Variants in LRFN2 observed in about 807,000 individuals in gnomAD.
LRFN2 encodes leucine rich repeat and fibronectin type III domain containing 2.
LRFN2 carries 18 observed loss-of-function variants against 37.3 expected under a neutral mutation model. That is an observed-to-expected ratio of 0.48 (90% CI 0.33 to 0.72). The LOEUF is 0.72. Ranked by LOEUF, LRFN2 falls within the 30% of genes least tolerant of loss-of-function variation. The pLI, the probability that LRFN2 is intolerant of heterozygous loss-of-function variation, is 0.02. For missense variants in LRFN2, 1,006 were observed against 1,060.7 expected (o/e 0.95, Z 0.72); for synonymous variants, 556 against 466.6 (o/e 1.19, Z -2.47).
chr6:40,582,027 G>T (rs1767414299), intron 1 of LRFN2, among the ~76,000 whole-genome samples: 1 of 152,188 alleles, frequency 6.6e-6, no homozygotes, highest in African/African-American at 2.4e-5. Context: ...TGGAGAAAAG[G>T]AATAGGAAGT....
chr6:40,537,274 C>T (rs538991157), intron 1 of LRFN2, among the ~76,000 whole-genome samples: 57 of 152,328 alleles, frequency 3.7e-4, no homozygotes, highest in African/African-American at 1.3e-3. Flanking sequence ...GGGAATAGTT[C>T]CTGGCACATC....
intron 1 of LRFN2, chr6:40,502,523 GC>G (rs1765410872): frequency 6.6e-6 from 1 of 152,234 alleles, no homozygotes; most frequent in Admixed American, 6.5e-5. Context: ...CATGCTGGAA[GC>G]TGGCAGCAGG....
intron 2 of LRFN2, among the ~76,000 whole-genome samples, chr6:40,417,457 T>G (rs1020032053): frequency 1.3e-5 from 2 of 152,198 alleles, no homozygotes; most frequent in Non-Finnish European, 2.9e-5. Context: ...AATGCACTTA[T>G]GAGCTACTAG....
At chr6:40,522,940 T>C (rs1156790112) in intron 1 of LRFN2, among the ~76,000 whole-genome samples, 1 of 152,154 alleles carries the variant, frequency 6.6e-6, no homozygotes, top group East Asian at 1.9e-4. Context: ...AATGCACCTG[T>C]CTGGAAGATG....
At chr6:40,582,049 A>G (rs970691716) in intron 1 of LRFN2, among the ~76,000 whole-genome samples, 32 of 152,282 alleles carry the variant, frequency 2.1e-4, no homozygotes, top group Middle Eastern at 3.4e-3. Flanking sequence ...AGTCCCTGGG[A>G]AGAAGAAATG....
chr6:40,412,270 A>G (rs369599074), intron 2 of LRFN2, among the ~76,000 whole-genome samples: 1 of 152,318 alleles, frequency 6.6e-6, no homozygotes, highest in East Asian at 1.9e-4. Context: ...CTCAGGAAGA[A>G]AAATTTTCTG....
chr6:40,501,704 G>C (rs140293967), intron 1 of LRFN2: 1 of 152,082 alleles, frequency 6.6e-6, no homozygotes, highest in African/African-American at 2.4e-5. Flanking sequence ...CCAGGGTATG[G>C]ATTCAGCCAC....
intron 1 of LRFN2, among the ~76,000 whole-genome samples, chr6:40,438,020 G>T (rs1364317152): frequency 2.6e-5 from 4 of 152,202 alleles, no homozygotes; most frequent in Admixed American, 2.6e-4. Flanking sequence ...GAGGTGTGTG[G>T]GGATCAGAAG....
Position 40,499,960 on chromosome 6 carries a change from G to A in LRFN2, c.-18-66829C>T, listed in dbSNP as rs200039342. 4.9e-4 allele frequency among the ~76,000 whole-genome samples: 75 copies of A among 152,346 alleles called. 1 individual carries two copies. In the South Asian group the frequency reaches 0.015, roughly 30 times the overall value. ...TGAGAATGAAAGAAATCTGCAGTTCGTATGTATTTCAATAGAGGAAGCTCT... is the reference window on the plus strand; with the variant it reads ...TGAGAATGAAAGAAATCTGCAGTTCATATGTATTTCAATAGAGGAAGCTCT... On this transcript the variant is annotated intron_variant, in intron 1 of 2. Transcript: ENST00000338305.
At chr6:40,484,458 C>T (rs1035440362) in intron 1 of LRFN2, among the ~76,000 whole-genome samples, 1 of 152,208 alleles carries the variant, frequency 6.6e-6, no homozygotes, top group Non-Finnish European at 1.5e-5. Flanking sequence ...GCCTCTCTCA[C>T]CATAATGTGC....
At chr6:40,582,714 G>GA (rs35249144) in intron 1 of LRFN2, among the ~76,000 whole-genome samples, 8,456 of 135,446 alleles carry the variant, frequency 0.062, 298 homozygotes, top group Admixed American at 0.075. Context: ...AAATCACTCA[G>GA]AAAAAAAAAA....
At chr6:40,412,060 G>A (rs1276671770) in intron 2 of LRFN2, among the ~76,000 whole-genome samples, 2 of 152,090 alleles carry the variant, frequency 1.3e-5, no homozygotes, top group Admixed American at 1.3e-4. Context: ...CAGGCTCAAT[G>A]GTCGGATATC....
chr6:40,514,918 G>T (rs1360137807), intron 1 of LRFN2, among the ~76,000 whole-genome samples: 1 of 152,094 alleles, frequency 6.6e-6, no homozygotes, highest in Non-Finnish European at 1.5e-5. Flanking sequence ...TGCTGCCCCT[G>T]GCTGGAGGCC....
At chr6:40,472,049 G>T (rs1450169161) in intron 1 of LRFN2, among the ~76,000 whole-genome samples, 1 of 152,174 alleles carries the variant, frequency 6.6e-6, no homozygotes, top group South Asian at 2.1e-4. Flanking sequence ...CCACTTGCAG[G>T]GTCCTAAACA....
intron 1 of LRFN2, among the ~76,000 whole-genome samples, chr6:40,493,525 C>T (rs193287420): frequency 3.0e-4 from 46 of 152,300 alleles, no homozygotes; most frequent in Admixed American, 1.4e-3. Flanking sequence ...ACATGCTCGC[C>T]CATACAGAGT....
At chr6:40,417,680 C>A (rs1188077712) in intron 2 of LRFN2, among the ~76,000 whole-genome samples, 2 of 152,110 alleles carry the variant, frequency 1.3e-5, no homozygotes, top group East Asian at 3.9e-4. Context: ...TGAGTTGGGC[C>A]TCAGTGAGGT....
At chr6:40,445,228 T>C (rs1253335400) in intron 1 of LRFN2, among the ~76,000 whole-genome samples, 3 of 152,264 alleles carry the variant, frequency 2.0e-5, no homozygotes, top group Non-Finnish European at 4.4e-5. Flanking sequence ...TTTTACACGT[T>C]ATTTCATTTA....
chr6:40,579,908 G>A (rs558607940), intron 1 of LRFN2, among the ~76,000 whole-genome samples: 7 of 152,178 alleles, frequency 4.6e-5, no homozygotes, highest in Non-Finnish European at 8.8e-5. Flanking sequence ...CCATCAAGTC[G>A]TGAAAGGGAT....
chr6:40,516,992 G>T (rs1765897448), intron 1 of LRFN2, among the ~76,000 whole-genome samples: 1 of 152,218 alleles, frequency 6.6e-6, no homozygotes, highest in African/African-American at 2.4e-5. Flanking sequence ...GGGATATACT[G>T]CTGAATGAAG....
Sources: gnomAD v4.1 joint callset for allele counts (sites outside exome capture counted in the v4.1 genomes callset) on GRCh38, gnomAD v4.1.1 for gene constraint, MANE v1.5 for transcripts, NCBI Gene and HGNC (gene_info 2026-07-23, HGNC 2026-07-21) for gene names.